HTR7: variants seen among roughly 807,000 people sequenced by gnomAD.
The protein encoded by HTR7 is 5-HT-7.
HTR7 carries 16 observed loss-of-function variants against 34.0 expected under a neutral mutation model. The observed-to-expected ratio is 0.47, with a 90% confidence interval of 0.32 to 0.71. The LOEUF is 0.71. HTR7 is among the 30% of genes least tolerant of loss of function. The pLI, the probability that HTR7 is intolerant of heterozygous loss-of-function variation, is 0.04. For missense variants in HTR7, 504 were observed against 625.5 expected, an observed-to-expected ratio of 0.81 and a Z score of 2.07; for synonymous variants, 265 against 260.2, an observed-to-expected ratio of 1.02 and a Z score of -0.18.
intron 1 of HTR7, among the ~76,000 whole-genome samples, chr10:90,856,465 G>C (rs1471790865): frequency 6.6e-6 from 1 of 152,160 alleles, no homozygotes; most frequent in African/African-American, 2.4e-5. Context: ...TTACTCCAGT[G>C]GGGGAGTTCT....
chr10:90,807,488 T>C (rs899966257), intron 1 of HTR7, among the ~76,000 whole-genome samples: 2 of 152,162 alleles, frequency 1.3e-5, no homozygotes, highest in African/African-American at 4.8e-5. Flanking sequence ...TGAAATTCCT[T>C]TTCCTGGCTC....
intron 1 of HTR7, among the ~76,000 whole-genome samples, chr10:90,793,447 A>G (rs906730167): frequency 1.5e-5 from 2 of 132,898 alleles, no homozygotes; most frequent in African/African-American, 6.6e-5. Context: ...GTAGTACATC[A>G]ATATTTCTAA....
chr10:90,854,529 T>G (rs574684648), intron 1 of HTR7, among the ~76,000 whole-genome samples: 84 of 150,960 alleles, frequency 5.6e-4, no homozygotes, highest in Non-Finnish European at 1.1e-3. Context: ...TGGAAAGAAG[T>G]AAAAAGAAGG....
intron 1 of HTR7, among the ~76,000 whole-genome samples, chr10:90,789,424 T>C (rs998675632): frequency 1.3e-5 from 2 of 152,128 alleles, no homozygotes; most frequent in Admixed American, 6.6e-5. Flanking sequence ...CTGCCCACAA[T>C]AAAACTGTGT....
chr10:90,822,238 G>A (rs1845995358), intron 1 of HTR7, among the ~76,000 whole-genome samples: 1 of 152,206 alleles, frequency 6.6e-6, no homozygotes, highest in African/African-American at 2.4e-5. Context: ...TGCTGAAAGT[G>A]ATATAAAGAA....
intron 1 of HTR7, among the ~76,000 whole-genome samples, chr10:90,811,189 C>G (rs1291629473): frequency 6.6e-6 from 1 of 152,158 alleles, no homozygotes; most frequent in Non-Finnish European, 1.5e-5. Flanking sequence ...ACACAAGGAC[C>G]GGGATCGCGT....
intron 1 of HTR7, among the ~76,000 whole-genome samples, chr10:90,750,575 A>G (rs1401361703): frequency 6.6e-6 from 1 of 152,170 alleles, no homozygotes; most frequent in Non-Finnish European, 1.5e-5. Flanking sequence ...AAAACTGGTC[A>G]TTTTGTTGTT....
intron 1 of HTR7, among the ~76,000 whole-genome samples, chr10:90,812,452 C>T (rs1845828018): frequency 6.9e-6 from 1 of 144,060 alleles, no homozygotes; most frequent in South Asian, 2.2e-4. Context: ...TCCTTAGGCA[C>T]TCTCTAATCA....
At chr10:90,848,459 T>C (rs1253406973) in intron 1 of HTR7, among the ~76,000 whole-genome samples, 1 of 152,232 alleles carries the variant, frequency 6.6e-6, no homozygotes, top group African/African-American at 2.4e-5. Flanking sequence ...CTATTTAAAA[T>C]TTTTATTTGA....
intron 1 of HTR7, among the ~76,000 whole-genome samples, chr10:90,792,391 T>A (rs1008918563): frequency 2.0e-5 from 3 of 152,230 alleles, no homozygotes; most frequent in Non-Finnish European, 4.4e-5. Context: ...TTTGGTTTTT[T>A]TTGGCTGCAG....
At position 90,741,655 on chromosome 10, in the gene HTR7, T is replaced by TGCAGCCTTGTAGC. The variant is rs1367866258; in HGVS notation, c.*826_*827insGCTACAAGGCTGC. On this transcript the variant is annotated 3_prime_UTR_variant, in exon 4 of 4. Transcript: ENST00000336152. ...TGGGCCAGCCCATGGGTGGGCCCAC[T>TGCAGCCTTGTAGC]GCAGCCTTGTAGAAAATGAGAGTCA... is the stretch of plus-strand genomic sequence containing the variant. 1.3e-5 allele frequency: 2 copies of TGCAGCCTTGTAGC among 152,578 alleles called. No individual in the cohort carries two copies. Among genetic ancestry groups the TGCAGCCTTGTAGC allele is most frequent in the East Asian group, 3.9e-4 (2 of 5,188 alleles). The allele number at this position is 152,578 out of a possible 1,614,324, so 9.5% of individuals were successfully genotyped here. A position where few individuals can be genotyped will look rare whatever the true frequency, so the allele number is the denominator to read the frequency against.
In HTR7 at chr10:90,858,037, T is replaced by A. The variant is rs917905051; in HGVS notation, c.-366A>T. Among the ~76,000 whole-genome samples the A allele has an allele frequency of 4.2e-5, 6 of 142,040 alleles. No homozygotes were observed. The highest frequency in any genetic ancestry group is 1.4e-4 in the Admixed American group (2 of 14,398). 93.2% of individuals were successfully genotyped at this position (142,040 alleles called of 152,430 possible). On this transcript the variant is annotated 5_prime_UTR_variant, in exon 1 of 4. Coordinates refer to ENST00000336152, the MANE Select transcript of HTR7 (RefSeq NM_019859.4). Reference sequence around the variant, plus strand: ...GGCGGCAGCGGCAGAAGTTGCGGAGTGCGCCCCGCCCCTCGCGCCCGCCGC... The same window carrying A: ...GGCGGCAGCGGCAGAAGTTGCGGAGAGCGCCCCGCCCCTCGCGCCCGCCGC...
At chr10:90,848,915 G>A (rs1298914505) in intron 1 of HTR7, among the ~76,000 whole-genome samples, 1 of 152,166 alleles carries the variant, frequency 6.6e-6, no homozygotes, top group Admixed American at 6.5e-5. Flanking sequence ...GAAACTCTTG[G>A]GGTAAGGTTT....
At chr10:90,779,525 C>G (rs1845273067) in intron 1 of HTR7, among the ~76,000 whole-genome samples, 1 of 152,120 alleles carries the variant, frequency 6.6e-6, no homozygotes, top group African/African-American at 2.4e-5. Context: ...ACAAACAACT[C>G]CAAAATCACA....
chr10:90,806,936 G>A (rs986909115), intron 1 of HTR7, among the ~76,000 whole-genome samples: 25 of 152,190 alleles, frequency 1.6e-4, no homozygotes, highest in Non-Finnish European at 5.9e-5. Flanking sequence ...TCTGAGACCT[G>A]TGATTACCAA....
chr10:90,775,916 G>A (rs1188971576), intron 1 of HTR7, among the ~76,000 whole-genome samples: 3 of 152,234 alleles, frequency 2.0e-5, no homozygotes, highest in African/African-American at 7.2e-5. Context: ...GAAGTTTCTA[G>A]TAAAAGAAAG....
intron 1 of HTR7, among the ~76,000 whole-genome samples, chr10:90,843,771 A>G (rs1175047815): frequency 1.3e-5 from 2 of 152,088 alleles, no homozygotes; most frequent in African/African-American, 4.8e-5. Context: ...ACCAAATCAA[A>G]TCTGGAGCAG....
chr10:90,837,230 T>C (rs1230186702), intron 1 of HTR7, among the ~76,000 whole-genome samples: 2 of 152,234 alleles, frequency 1.3e-5, no homozygotes, highest in Non-Finnish European at 2.9e-5. Context: ...AATTTATCCA[T>C]CCATTCATTC....
chr10:90,796,815 C>T (rs768142981), intron 1 of HTR7, among the ~76,000 whole-genome samples: 2 of 151,968 alleles, frequency 1.3e-5, no homozygotes, highest in African/African-American at 4.8e-5. Context: ...GAGACTATCC[C>T]GGCTAACACA....
Sources: gnomAD v4.1 joint callset for allele counts (sites outside exome capture counted in the v4.1 genomes callset) on GRCh38, gnomAD v4.1.1 for gene constraint, MANE v1.5 for transcripts, NCBI Gene and HGNC (gene_info 2026-07-23, HGNC 2026-07-21) for gene names.